NRXN1: variants seen among roughly 807,000 people sequenced by gnomAD.
NRXN1 encodes neurexin 1, also known as neurexin-1.
In NRXN1, 39 loss-of-function variants were observed where a neutral mutation model predicts 150.9. That is an observed-to-expected ratio of 0.26 (90% CI 0.20 to 0.34). The LOEUF (loss-of-function observed/expected upper bound fraction) is 0.34. Among genes scored for constraint, NRXN1 ranks in the 10% least tolerant of loss-of-function variants. The pLI, the probability that NRXN1 is intolerant of heterozygous loss-of-function variation, is 1.00. For synonymous variants in NRXN1, 924 were observed against 757.0 expected (o/e 1.22, Z -3.62); for missense variants, 1,815 against 1,949.9 (o/e 0.93, Z 1.30).
At chr2:51,015,434 G>T (rs1044408899) in intron 2 of NRXN1, among the ~76,000 whole-genome samples, 2 of 151,974 alleles carry the variant, frequency 1.3e-5, no homozygotes, top group African/African-American at 2.4e-5. Context: ...TAAGGATTTT[G>T]TCCAGGATGG....
At chr2:50,068,370 T>C (rs536695839) in intron 19 of NRXN1, among the ~76,000 whole-genome samples, 1 of 142,754 alleles carries the variant, frequency 7.0e-6, no homozygotes, top group East Asian at 2.1e-4. Flanking sequence ...ATACTATGGA[T>C]ATGAATTTAA....
intron 21 of NRXN1, among the ~76,000 whole-genome samples, chr2:49,950,003 T>A (rs1040040669): frequency 6.6e-6 from 1 of 151,804 alleles, no homozygotes; most frequent in Non-Finnish European, 1.5e-5. Context: ...AAAAAAAATT[T>A]TAACAGGATT....
chr2:50,649,047 C>A (rs575821610), intron 5 of NRXN1, among the ~76,000 whole-genome samples: 35 of 151,954 alleles, frequency 2.3e-4, no homozygotes, highest in Non-Finnish European at 4.9e-4. Context: ...TTAGGTTTTC[C>A]CTGATTTGCC....
At position 49,920,573 on chromosome 2, in the gene NRXN1, AC is replaced by A. The variant is rs1668015917; in HGVS notation, c.*1370del. 1 of 152,388 alleles carries A rather than the reference AC, an allele frequency of 6.6e-6. No homozygotes were observed. The highest frequency in any genetic ancestry group is 2.4e-5 in the African/African-American group (1 of 41,368). 9.4% of individuals were successfully genotyped at this position (152,388 alleles called of 1,614,324 possible). A position where few individuals can be genotyped will look rare whatever the true frequency, so the allele number is the denominator to read the frequency against. On this transcript the variant is annotated 3_prime_UTR_variant, in exon 23 of 23. Transcript: ENST00000401669. ...GAGCAAGATCTCAATGAAGCAAATCACCCCATTTGTCATCAATACCTTGGCA... is the reference window on the plus strand; with the variant it reads ...GAGCAAGATCTCAATGAAGCAAATCACCCATTTGTCATCAATACCTTGGCA...
intron 18 of NRXN1, among the ~76,000 whole-genome samples, chr2:50,110,727 T>A (rs1014627854): frequency 3.9e-5 from 6 of 152,174 alleles, no homozygotes; most frequent in African/African-American, 1.4e-4. Flanking sequence ...CATTATTGGA[T>A]AATAGTGGTT....
chr2:50,520,518 G>C (rs898130847), intron 12 of NRXN1, among the ~76,000 whole-genome samples: 3 of 151,704 alleles, frequency 2.0e-5, no homozygotes, highest in African/African-American at 7.3e-5. Context: ...CATTTAGAGG[G>C]ATATACTTCC....
In NRXN1 at chr2:50,875,848, A is replaced by C. The variant is rs532928405; in HGVS notation, c.832+46021T>G. Among the ~76,000 whole-genome samples the C allele has an allele frequency of 6.6e-5, 10 of 151,960 alleles. No individual in the cohort carries two copies. The South Asian group carries it at 1.9e-3, about 28-fold the overall frequency. ...AATTCTGATCTCATCTCAGGCTTATAGCACATTGCACTGTCAGCCCAAATT... is the reference window on the plus strand; with the variant it reads ...AATTCTGATCTCATCTCAGGCTTATCGCACATTGCACTGTCAGCCCAAATT... On this transcript the variant is annotated intron_variant, in intron 5 of 22. Transcript: ENST00000401669.
chr2:50,814,935 G>C (rs969022963), intron 5 of NRXN1, among the ~76,000 whole-genome samples: 1 of 152,104 alleles, frequency 6.6e-6, no homozygotes, highest in Non-Finnish European at 1.5e-5. Context: ...AAACTGTGTA[G>C]ATGAACTTTC....
intron 5 of NRXN1, among the ~76,000 whole-genome samples, chr2:50,674,291 A>T (rs1689260166): frequency 6.6e-6 from 1 of 152,140 alleles, no homozygotes; most frequent in Admixed American, 6.6e-5. Flanking sequence ...AACATAAGTT[A>T]AAAACAAACT....
chr2:50,863,912 A>T (rs954387931), intron 5 of NRXN1, among the ~76,000 whole-genome samples: 1 of 152,012 alleles, frequency 6.6e-6, no homozygotes, highest in African/African-American at 2.4e-5. Context: ...TTTTTGTCTC[A>T]TTAGCACCAG....
chr2:50,603,252 C>A (rs547350611), intron 8 of NRXN1, among the ~76,000 whole-genome samples: 1 of 152,248 alleles, frequency 6.6e-6, no homozygotes, highest in South Asian at 2.1e-4. Flanking sequence ...GACTATGGGA[C>A]CAGCTTCAGG....
chr2:50,556,591 T>C lies in NRXN1; in HGVS notation c.1321-3566A>G, dbSNP rs182942703. 6.4e-4 allele frequency among the ~76,000 whole-genome samples: 97 copies of C among 152,122 alleles called. 2 individuals are homozygous for C. The East Asian group carries it at 0.017, about 27-fold the overall frequency. On this transcript the variant is annotated intron_variant, in intron 8 of 22. Transcript: ENST00000401669. ...CTTCTTTCCCATTTCTTCAAATATT[T>C]GTTAGAATTTTTAGTGTCCCTCTCA...
In NRXN1 at chr2:50,761,974, T is replaced by C. The variant is rs1484762805; in HGVS notation, c.833-138359A>G. Among the ~76,000 whole-genome samples, 5 of 151,992 alleles carry C rather than the reference T, an allele frequency of 3.3e-5. No individual in the cohort carries two copies. The East Asian group carries it at 9.8e-4, about 30-fold the overall frequency. ...CAGGTCTTCAGCCACAGAATGAACG[T>C]TGCACTGTTGGCTTCCCTGCTTTTG... On this transcript the variant is annotated intron_variant, in intron 5 of 22. Coordinates refer to ENST00000401669, the MANE Select transcript of NRXN1 (RefSeq NM_001330078.2).
In NRXN1 at chr2:50,364,032, T is replaced by C. The variant is rs965458949; in HGVS notation, c.3364+101410A>G. 3.3e-5 allele frequency among the ~76,000 whole-genome samples: 5 copies of C among 151,496 alleles called. 1 individual carries two copies. The highest frequency in any genetic ancestry group is 6.8e-3 in the Middle Eastern group (2 of 294). ...GCATGTTCTCACTCATAAGTGGGAGTTGAACAATGAGAACACATGGACACA... is the reference window on the plus strand; with the variant it reads ...GCATGTTCTCACTCATAAGTGGGAGCTGAACAATGAGAACACATGGACACA... On this transcript the variant is annotated intron_variant, in intron 17 of 22. Transcript: ENST00000401669.
chr2:50,567,172 C>T (rs186621877), intron 8 of NRXN1, among the ~76,000 whole-genome samples: 5 of 152,242 alleles, frequency 3.3e-5, no homozygotes, highest in African/African-American at 7.2e-5. Flanking sequence ...AAGGTACAAA[C>T]GTTGTTTTGA....
At chr2:50,239,855 A>G (rs894759834) in intron 17 of NRXN1, among the ~76,000 whole-genome samples, 4 of 150,304 alleles carry the variant, frequency 2.7e-5, no homozygotes, top group Non-Finnish European at 4.5e-5. Flanking sequence ...CTTCATTATC[A>G]TATACTTTCT....
At chr2:50,135,183 T>C (rs1284937298) in intron 18 of NRXN1, among the ~76,000 whole-genome samples, 1 of 152,222 alleles carries the variant, frequency 6.6e-6, no homozygotes. Flanking sequence ...TATTGACTCA[T>C]GTTTTGAATA....
chr2:51,028,128 C>G lies in NRXN1; in HGVS notation c.146G>C (p.Cys49Ser). The G allele has an allele frequency of 6.4e-7, 1 of 1,565,100 alleles. No individual in the cohort carries two copies. Among genetic ancestry groups the G allele is most frequent in the Non-Finnish European group, 8.6e-7 (1 of 1,158,060 alleles). Residue 49 changes from cysteine (C) to serine (S), a missense_variant, in exon 2 of 23, where the codon TGC becomes TCC. Physicochemically the swap from Cys to Ser is moderately radical, Grantham distance 112. Around this residue, in one of 6 missense-constraint regions of NRXN1, gnomAD observed 554 missense variants for 478.8 expected, o/e 1.16. Coordinates refer to ENST00000401669, the MANE Select transcript of NRXN1 (RefSeq NM_001330078.2). ...QWTRFPKWNA[C>S]CESEMSFQLK... ...CTGGAAGCTCATCTCGCTCTCGCAGCAGGCGTTCCACTTGGGGAAGCGCGT... is the reference window on the plus strand; with the variant it reads ...CTGGAAGCTCATCTCGCTCTCGCAGGAGGCGTTCCACTTGGGGAAGCGCGT...
Position 50,236,444 on chromosome 2 carries a change from A to G in NRXN1, c.3546+345T>C, listed in dbSNP as rs148308409. Among the ~76,000 whole-genome samples the G allele has an allele frequency of 4.8e-3, 723 of 152,102 alleles. 7 individuals are homozygous for G. Among genetic ancestry groups the G allele is most frequent in the African/African-American group, 0.016 (683 of 41,524 alleles). ...ACCAGTATTACAACCTCCTGCTTCC[A>G]GCCAGATGGTGTGGTATCTACTAGG... On this transcript the variant is annotated intron_variant, in intron 18 of 22. Coordinates refer to ENST00000401669, the MANE Select transcript of NRXN1 (RefSeq NM_001330078.2).
Sources: allele counts gnomAD v4.1 joint callset (sites outside exome capture counted in the v4.1 genomes callset), GRCh38; gene constraint gnomAD v4.1.1; regional missense constraint gnomAD v4.1.1; transcripts MANE v1.5; gene names NCBI Gene and HGNC (gene_info 2026-07-23, HGNC 2026-07-21).